Variants in GRM1 observed in about 807,000 individuals in gnomAD.
GRM1 encodes glutamate metabotropic receptor 1.
A neutral mutation model predicts 90.9 loss-of-function variants in GRM1; 33 were observed. That is an observed-to-expected ratio of 0.36 (90% CI 0.28 to 0.49). The LOEUF (loss-of-function observed/expected upper bound fraction) is 0.49. GRM1 is among the 20% of genes least tolerant of loss of function. GRM1 has a pLI of 0.99. For missense variants in GRM1, 1,190 were observed against 1,534.3 expected (o/e 0.78, Z 3.75); for synonymous variants, 700 against 613.2 (o/e 1.14, Z -2.09).
intron 1 of GRM1, among the ~76,000 whole-genome samples, chr6:146,075,959 AAGGT>A: frequency 6.6e-6 from 1 of 152,220 alleles, no homozygotes; most frequent in Non-Finnish European, 1.5e-5. Context: ...ATGTCTAAAT[AAGGT>A]CACATTCATA....
At chr6:146,340,980 A>G (rs1434865731) in intron 3 of GRM1, among the ~76,000 whole-genome samples, 1 of 152,214 alleles carries the variant, frequency 6.6e-6, no homozygotes, top group African/African-American at 2.4e-5. Flanking sequence ...CTGAATGCAC[A>G]CATTCTAGTA....
chr6:146,147,572 T>C (rs1181335945), intron 1 of GRM1, among the ~76,000 whole-genome samples: 1 of 152,220 alleles, frequency 6.6e-6, no homozygotes, highest in African/African-American at 2.4e-5. Flanking sequence ...ATGTTCAGAA[T>C]ACCAAGACAC....
intron 6 of GRM1, among the ~76,000 whole-genome samples, chr6:146,396,090 A>ATCTG (rs1554307320): frequency 2.7e-5 from 4 of 150,548 alleles, no homozygotes; most frequent in South Asian, 2.1e-4. Flanking sequence ...CTATCTATCT[A>ATCTG]TCTATCTATC....
chr6:146,044,371 T>G lies in GRM1; in HGVS notation c.700+14154T>G, dbSNP rs79835834. ...CTTCTAACTTCTCCTGGTGTTCTCATGCACTTCCCTGGCCATAATTACTTG... is the reference window on the plus strand; with the variant it reads ...CTTCTAACTTCTCCTGGTGTTCTCAGGCACTTCCCTGGCCATAATTACTTG... On this transcript the variant is annotated intron_variant, in intron 1 of 7. Coordinates refer to ENST00000282753, the MANE Select transcript of GRM1 (RefSeq NM_001278064.2). 2.0e-5 allele frequency among the ~76,000 whole-genome samples: 3 copies of G among 152,142 alleles called. No individual in the cohort carries two copies. In the East Asian group the frequency reaches 5.8e-4, roughly 30 times the overall value.
intron 3 of GRM1, among the ~76,000 whole-genome samples, chr6:146,322,877 T>C (rs1268632650): frequency 6.6e-6 from 1 of 152,084 alleles, no homozygotes; most frequent in East Asian, 1.9e-4. Flanking sequence ...CTTGCGATAG[T>C]TTGCTGAGAA....
intron 2 of GRM1, among the ~76,000 whole-genome samples, chr6:146,239,556 T>C (rs951756306): frequency 6.6e-6 from 1 of 152,022 alleles, no homozygotes; most frequent in Non-Finnish European, 1.5e-5. Flanking sequence ...TGAAAAAAAA[T>C]GATTTTATGC....
At chr6:146,226,289 A>AT (rs1362159401) in intron 2 of GRM1, among the ~76,000 whole-genome samples, 2 of 152,112 alleles carry the variant, frequency 1.3e-5, no homozygotes, top group African/African-American at 4.8e-5. Context: ...CCCTAGTGTT[A>AT]TTTTGGTAGG....
intron 6 of GRM1, among the ~76,000 whole-genome samples, chr6:146,395,660 A>G (rs1776900301): frequency 6.6e-6 from 1 of 152,182 alleles, no homozygotes; most frequent in South Asian, 2.1e-4. Context: ...CATGAAGTTT[A>G]GGAAAATTAT....
chr6:146,391,498 G>A (rs1398978773), intron 6 of GRM1, among the ~76,000 whole-genome samples: 1 of 152,012 alleles, frequency 6.6e-6, no homozygotes, highest in African/African-American at 2.4e-5. Flanking sequence ...CTGGTTGAAG[G>A]TAGTCTCCCC....
intron 1 of GRM1, among the ~76,000 whole-genome samples, chr6:146,033,286 A>G (rs549517067): frequency 5.3e-5 from 8 of 152,282 alleles, no homozygotes; most frequent in African/African-American, 1.9e-4. Flanking sequence ...TGCTAAGTAT[A>G]TAGTAGAGAA....
At chr6:146,243,534 G>A (rs576680138) in intron 2 of GRM1, among the ~76,000 whole-genome samples, 3 of 152,152 alleles carry the variant, frequency 2.0e-5, no homozygotes, top group East Asian at 1.9e-4. Context: ...TGCCTTCTTC[G>A]TTATTGGGGG....
At chr6:146,108,480 C>T (rs1281933983) in intron 1 of GRM1, among the ~76,000 whole-genome samples, 1 of 152,178 alleles carries the variant, frequency 6.6e-6, no homozygotes, top group Non-Finnish European at 1.5e-5. Context: ...TGAAATGTGC[C>T]TTTCACCTTC....
chr6:146,267,764 A>G (rs1441588487), intron 2 of GRM1, among the ~76,000 whole-genome samples: 2 of 137,932 alleles, frequency 1.4e-5, no homozygotes, highest in East Asian at 4.4e-4. Flanking sequence ...TCGTCTCTTC[A>G]TGTTTTTCTG....
chr6:146,030,326 G>T lies in GRM1; in HGVS notation c.700+109G>T, dbSNP rs943056043. ...GTTTATTTCTAGCACTGTGGGGAAC[G>T]GAGTTTACCCTTCTCAGTACTGCCC... On this transcript the variant is annotated intron_variant, in intron 1 of 7. Transcript: ENST00000282753. 8.3e-6 allele frequency: 7 copies of T among 840,764 alleles called. No homozygotes were observed. The African/African-American group carries it at 1.2e-4, about 14-fold the overall frequency. 52.1% of individuals were successfully genotyped at this position (840,764 alleles called of 1,614,324 possible).
At chr6:146,165,236 C>T (rs1777866765) in intron 2 of GRM1, among the ~76,000 whole-genome samples, 3 of 152,096 alleles carry the variant, frequency 2.0e-5, no homozygotes, top group African/African-American at 4.8e-5. Context: ...AAATGAAATA[C>T]TTGGTTTTTA....
intron 1 of GRM1, among the ~76,000 whole-genome samples, chr6:146,134,245 G>T (rs1464803148): frequency 2.0e-5 from 3 of 152,128 alleles, no homozygotes; most frequent in Non-Finnish European, 4.4e-5. Flanking sequence ...ACCTTTCTGA[G>T]CCCCAGTTTT....
chr6:146,192,849 A>C (rs778677341), intron 2 of GRM1, among the ~76,000 whole-genome samples: 3 of 152,180 alleles, frequency 2.0e-5, no homozygotes, highest in Non-Finnish European at 4.4e-5. Context: ...TCTGCCTGCT[A>C]TATGGACTGT....
intron 2 of GRM1, among the ~76,000 whole-genome samples, chr6:146,229,537 C>T (rs779040698): frequency 2.6e-5 from 4 of 151,762 alleles, no homozygotes; most frequent in Admixed American, 6.6e-5. Flanking sequence ...ACCAAAGTCA[C>T]GTTAAACTTT....
At chr6:146,328,081 T>G (rs1784456670) in intron 3 of GRM1, among the ~76,000 whole-genome samples, 2 of 152,170 alleles carry the variant, frequency 1.3e-5, no homozygotes, top group South Asian at 4.1e-4. Context: ...AAACATATTT[T>G]CTTTAGCCAC....
Sources: allele counts gnomAD v4.1 joint callset (sites outside exome capture counted in the v4.1 genomes callset), GRCh38; gene constraint gnomAD v4.1.1; transcripts MANE v1.5; gene names NCBI Gene and HGNC (gene_info 2026-07-23, HGNC 2026-07-21).